CENPK: variants seen among roughly 807,000 people sequenced by gnomAD.
CENPK encodes the protein SoxLZ/Sox6-binding protein Solt.
In CENPK, 46 loss-of-function variants were observed where a neutral mutation model predicts 40.9. The observed-to-expected ratio is 1.13, with a 90% CI of 0.89 to 1.44. The LOEUF (loss-of-function observed/expected upper bound fraction) is 1.44. Among genes scored for constraint, CENPK ranks in the 40% most tolerant of loss-of-function variants. The probability of loss-of-function intolerance (pLI) is 0.00; values close to 1 mark genes in which losing one functional copy is unlikely to be tolerated. For missense variants in CENPK, 288 were observed against 303.5 expected (o/e 0.95, Z 0.38); for synonymous variants, 107 against 104.4 (o/e 1.02, Z -0.15).
chr5:65,546,755 T>C (rs1043140919), intron 5 of CENPK, among the ~76,000 whole-genome samples: 1 of 152,194 alleles, frequency 6.6e-6, no homozygotes, highest in East Asian at 1.9e-4. Flanking sequence ...AGGAAGAAGA[T>C]GGACATCTGC....
At chr5:65,554,756 A>G in intron 3 of CENPK, 41 bp downstream of exon 3, 1 of 1,067,204 alleles carries the variant, frequency 9.4e-7, no homozygotes, top group Non-Finnish European at 1.4e-6. Flanking sequence ...AAGTTGATTT[A>G]AATCTTATAT....
intron 6 of CENPK, among the ~76,000 whole-genome samples, chr5:65,541,194 T>C (rs1182499300): frequency 6.6e-6 from 1 of 152,170 alleles, no homozygotes; most frequent in African/African-American, 2.4e-5. Context: ...TTCTGTGAGC[T>C]GCTCTGGCAA....
intron 2 of CENPK, 35 bp from the exon 3 acceptor site, chr5:65,554,981 T>C (rs1341295582): frequency 1.1e-6 from 1 of 885,318 alleles, no homozygotes; most frequent in Non-Finnish European, 1.9e-6. Context: ...TCAGCAGTAT[T>C]GGTTGAACAC....
intron 5 of CENPK, among the ~76,000 whole-genome samples, chr5:65,545,748 G>T (rs1748831694): frequency 6.6e-6 from 1 of 152,174 alleles, no homozygotes; most frequent in African/African-American, 2.4e-5. Flanking sequence ...ACTTCAGTAA[G>T]CTTGGAGATG....
At chr5:65,547,077 G>A (rs1206251379) in intron 5 of CENPK, among the ~76,000 whole-genome samples, 1 of 152,092 alleles carries the variant, frequency 6.6e-6, no homozygotes, top group Non-Finnish European at 1.5e-5. Context: ...AGCTTATAGG[G>A]TCCTCTGGAG....
chr5:65,537,880 T>G (rs573227897), intron 6 of CENPK, among the ~76,000 whole-genome samples: 1 of 152,256 alleles, frequency 6.6e-6, no homozygotes, highest in Non-Finnish European at 1.5e-5. Context: ...TGAACATTCA[T>G]GTGTAACTTT....
chr5:65,554,046 C>G (rs1581088476), intron 3 of CENPK, among the ~76,000 whole-genome samples: 1 of 152,192 alleles, frequency 6.6e-6, no homozygotes, highest in East Asian at 1.9e-4. Flanking sequence ...TCTGTCAACT[C>G]TCTGTTTTTA....
At chr5:65,527,719 GA>G (rs1345796854) in intron 9 of CENPK, among the ~76,000 whole-genome samples, 2 of 151,494 alleles carry the variant, frequency 1.3e-5, no homozygotes, top group African/African-American at 4.9e-5. Flanking sequence ...ACTCATCACA[GA>G]AAATTGAAAA....
the CENPK span, among the ~76,000 whole-genome samples, chr5:65,498,384 T>G: frequency 6.6e-6 from 1 of 152,010 alleles, no homozygotes; most frequent in Admixed American, 6.6e-5. Context: ...CTTACCATAG[T>G]CTACTGGTAT....
intron 10 of CENPK, 45 bp downstream of exon 10, chr5:65,521,430 G>A: frequency 6.8e-7 from 1 of 1,471,548 alleles, no homozygotes; most frequent in Non-Finnish European, 9.5e-7. Context: ...GTTCACAAAT[G>A]ACTAAGACAG....
rs1752275663 is a variant in CENPK at position 65,562,899 on chromosome 5, GT to G, written c.-142+198del. 9 of 159,950 alleles carry G rather than the reference GT, an allele frequency of 5.6e-5. No individual in the cohort carries two copies. The South Asian group carries it at 1.2e-3, about 21-fold the overall frequency. 9.9% of individuals were successfully genotyped at this position (159,950 alleles called of 1,614,324 possible). A position where few individuals can be genotyped will look rare whatever the true frequency, so the allele number is the denominator to read the frequency against. On this transcript the variant is annotated intron_variant, in intron 1 of 10. Coordinates refer to ENST00000396679, the MANE Select transcript of CENPK (RefSeq NM_022145.5). ...ACCCGCGAGTTAACCACTTCCTTCT[GT>G]CCCCACCCTTCCATCTTTCTCTAAA...
chr5:65,556,031 C>A (rs1750925436), intron 2 of CENPK, among the ~76,000 whole-genome samples: 1 of 152,148 alleles, frequency 6.6e-6, no homozygotes, highest in African/African-American at 2.4e-5. Context: ...AACAGTGGTT[C>A]CAATGGAGCT....
At chr5:65,508,441 T>G in the CENPK span, among the ~76,000 whole-genome samples, 1 of 152,186 alleles carries the variant, frequency 6.6e-6, no homozygotes, top group Non-Finnish European at 1.5e-5. Context: ...CCTTATAACA[T>G]ATCCGATAAA....
intron 2 of CENPK, among the ~76,000 whole-genome samples, chr5:65,558,387 C>T (rs1380005795): frequency 2.0e-5 from 3 of 152,080 alleles, no homozygotes; most frequent in Non-Finnish European, 4.4e-5. Context: ...AATGGACATG[C>T]AGTTCATCCA....
intron 2 of CENPK, among the ~76,000 whole-genome samples, chr5:65,558,023 G>A (rs902035464): frequency 6.6e-6 from 1 of 152,154 alleles, no homozygotes; most frequent in Admixed American, 6.5e-5. Context: ...AGGATCACTT[G>A]AGCCCGGTGA....
chr5:65,505,416 T>G, the CENPK span, among the ~76,000 whole-genome samples: 1 of 152,214 alleles, frequency 6.6e-6, no homozygotes, highest in East Asian at 1.9e-4. Flanking sequence ...GAGGATCACT[T>G]GAGGCCAGGA....
chr5:65,521,284 T>C (rs540552772), intron 10 of CENPK, among the ~76,000 whole-genome samples, 191 bp downstream of exon 10: 1 of 152,276 alleles, frequency 6.6e-6, no homozygotes, highest in East Asian at 1.9e-4. Flanking sequence ...AATAACAATA[T>C]TCCTCTCAGT....
At chr5:65,503,274 T>C in the CENPK span, among the ~76,000 whole-genome samples, 15 of 152,096 alleles carry the variant, frequency 9.9e-5, no homozygotes, top group Admixed American at 7.9e-4. Flanking sequence ...GCCCAGCTAA[T>C]TTTTGTATTT....
At chr5:65,560,896 G>A (rs1327268860) in intron 2 of CENPK, 1 of 151,916 alleles carries the variant, frequency 6.6e-6, no homozygotes, top group African/African-American at 2.4e-5. Flanking sequence ...ATGTTTACTG[G>A]CACATTACTT....
Sources: allele counts gnomAD v4.1 joint callset (sites outside exome capture counted in the v4.1 genomes callset), GRCh38; gene constraint gnomAD v4.1.1; transcripts MANE v1.5; gene names NCBI Gene and HGNC (gene_info 2026-07-23, HGNC 2026-07-21).